The following SLIT2 variants were observed in gnomAD, a reference collection of about 807,000 sequenced individuals.
SLIT2 encodes slit guidance ligand 2.
SLIT2 carries 41 observed loss-of-function variants against 185.7 expected under a neutral mutation model. The ratio of observed to expected loss-of-function variants is 0.22; its 90% confidence interval spans 0.17 to 0.29. The LOEUF (loss-of-function observed/expected upper bound fraction) is 0.29. Ranked by LOEUF, SLIT2 falls within the 10% of genes least tolerant of loss-of-function variation. The pLI is 1.00. For synonymous variants in SLIT2, 693 were observed against 680.2 expected (o/e 1.02, Z -0.29); for missense variants, 1,571 against 1,909.0 (o/e 0.82, Z 3.30).
intron 4 of SLIT2, among the ~76,000 whole-genome samples, chr4:20,460,422 G>A (rs1713576629): frequency 6.6e-6 from 1 of 152,108 alleles, no homozygotes. Context: ...ATGCATTGTG[G>A]AATGTTTAAG....
Position 20,617,171 on chromosome 4 carries a change from G to A in SLIT2, c.4109G>A (p.Arg1370Gln), listed in dbSNP as rs1198876030. The A allele has an allele frequency of 5.0e-6, 8 of 1,598,506 alleles. No individual in the cohort carries two copies. The highest frequency in any genetic ancestry group is 5.1e-6 in the Non-Finnish European group (6 of 1,168,900). Reference protein sequence around the residue: ...EGWMGPLCDQRTNDPCLGNKC... With the variant: ...EGWMGPLCDQQTNDPCLGNKC... ...TGGATGGGGCCCCTCTGTGACCAAC[G>A]GACCAATGACCCTTGCCTTGGAAAT... is the stretch of plus-strand genomic sequence containing the variant. Residue 1370 changes from arginine (R) to glutamine (Q), a missense_variant, in exon 35 of 37, where the codon CGG (arginine) becomes CAG (glutamine). Coordinates refer to ENST00000504154, the MANE Select transcript of SLIT2 (RefSeq NM_004787.4).
At chr4:20,374,039 C>A (rs1197709875) in intron 4 of SLIT2, among the ~76,000 whole-genome samples, 1 of 152,074 alleles carries the variant, frequency 6.6e-6, no homozygotes, top group African/African-American at 2.4e-5. Context: ...ATTTAAACTG[C>A]CTAAGTGTGA....
Position 20,386,133 on chromosome 4 carries a change from A to G in SLIT2, c.396-81619A>G, listed in dbSNP as rs569219140. ...TAAAAGCTCATGCATTTGACTCATA[A>G]GAGAATAATTTGGGCTTTACTTAGA... On this transcript the variant is annotated intron_variant, in intron 4 of 36. Coordinates refer to ENST00000504154, the MANE Select transcript of SLIT2 (RefSeq NM_004787.4). Among the ~76,000 whole-genome samples, 86 of 152,302 alleles carry G rather than the reference A, an allele frequency of 5.6e-4. No individual in the cohort carries two copies. The South Asian group carries it at 0.014, about 25-fold the overall frequency.
intron 4 of SLIT2, among the ~76,000 whole-genome samples, chr4:20,376,601 T>A (rs907397646): frequency 6.6e-6 from 1 of 152,132 alleles, no homozygotes; most frequent in African/African-American, 2.4e-5. Flanking sequence ...TTTTCTTCCC[T>A]TTTAGCCCCT....
At chr4:20,450,981 A>G (rs1712410994) in intron 4 of SLIT2, among the ~76,000 whole-genome samples, 1 of 152,196 alleles carries the variant, frequency 6.6e-6, no homozygotes, top group Non-Finnish European at 1.5e-5. Context: ...ACAAATGACA[A>G]TATGCAAATT....
intron 33 of SLIT2, among the ~76,000 whole-genome samples, chr4:20,604,812 C>T (rs992422494): frequency 2.6e-5 from 4 of 151,312 alleles, no homozygotes; most frequent in South Asian, 2.1e-4. Context: ...TATTCCAAAG[C>T]GTGGAATATG....
chr4:20,558,981 A>T (rs947281841), intron 26 of SLIT2, among the ~76,000 whole-genome samples: 2 of 151,898 alleles, frequency 1.3e-5, no homozygotes, highest in African/African-American at 4.8e-5. Flanking sequence ...TGTAGTTGCT[A>T]CAAGAACTCA....
rs138367578 is a variant in SLIT2 at position 20,472,758 on chromosome 4, C to T, written c.467+4935C>T. Among the ~76,000 whole-genome samples the T allele has an allele frequency of 5.4e-3, 810 of 148,968 alleles. 9 individuals carry two copies. Among genetic ancestry groups the T allele is most frequent in the African/African-American group, 0.019 (774 of 40,788 alleles). The stretch of plus-strand genomic sequence containing the variant: ...GATTTGTTTTCAAGTATCTATTAGG[C>T]ATTTCCATTAATTGAGAATTTAGAA... On this transcript the variant is annotated intron_variant, in intron 5 of 36. Coordinates refer to ENST00000504154, the MANE Select transcript of SLIT2 (RefSeq NM_004787.4).
At chr4:20,279,302 T>G (rs987835668) in intron 4 of SLIT2, among the ~76,000 whole-genome samples, 3 of 152,222 alleles carry the variant, frequency 2.0e-5, no homozygotes, top group Non-Finnish European at 4.4e-5. Context: ...AGTTCTGCAT[T>G]ACCTCTTCAA....
At chr4:20,268,607 T>C (rs1056700922) in intron 3 of SLIT2, among the ~76,000 whole-genome samples, 4 of 151,822 alleles carry the variant, frequency 2.6e-5, no homozygotes. Context: ...GTAATCATCA[T>C]CTTAGTAAGC....
intron 26 of SLIT2, among the ~76,000 whole-genome samples, chr4:20,558,675 G>T (rs1724457775): frequency 6.6e-6 from 1 of 151,796 alleles, no homozygotes; most frequent in Non-Finnish European, 1.5e-5. Flanking sequence ...GTATTTATCT[G>T]ACTAACTTGA....
In SLIT2 at chr4:20,620,167, C is replaced by T. The variant is rs1430128943; in HGVS notation, c.*1158C>T. ...AAACGAAATGGTGTGTAGCAATCAACACTAGAAAGTAGACCTTTTGCAAAT... is the reference window on the plus strand; with the variant it reads ...AAACGAAATGGTGTGTAGCAATCAATACTAGAAAGTAGACCTTTTGCAAAT... On this transcript the variant is annotated 3_prime_UTR_variant, in exon 37 of 37. Transcript: ENST00000504154. 1 of 298,730 alleles carries T rather than the reference C, an allele frequency of 3.3e-6. No individual in the cohort carries two copies. Among genetic ancestry groups the T allele is most frequent in the East Asian group, 9.3e-5 (1 of 10,804 alleles). 18.5% of individuals were successfully genotyped at this position (298,730 alleles called of 1,614,324 possible).
intron 4 of SLIT2, among the ~76,000 whole-genome samples, chr4:20,408,225 A>G (rs750132009): frequency 3.9e-5 from 6 of 152,196 alleles, no homozygotes; most frequent in East Asian, 1.9e-4. Context: ...ACCATCAGAC[A>G]TCTAGCTCCA....
intron 2 of SLIT2, 149 bp from the exon 3 acceptor site, chr4:20,257,719 A>G (rs1374253350): frequency 1.6e-6 from 1 of 617,654 alleles, no homozygotes; most frequent in Non-Finnish European, 2.9e-6. Flanking sequence ...ACTCAGATAT[A>G]TTATTATTAA....
At chr4:20,594,540 A>T (rs184443227) in intron 30 of SLIT2, among the ~76,000 whole-genome samples, 114 of 151,612 alleles carry the variant, frequency 7.5e-4, no homozygotes, top group Admixed American at 3.2e-3. Flanking sequence ...CTTCCAGAAG[A>T]CCCCTCCTCA....
At chr4:20,602,916 T>C (rs1728514337) in intron 33 of SLIT2, among the ~76,000 whole-genome samples, 1 of 152,116 alleles carries the variant, frequency 6.6e-6, no homozygotes, top group Non-Finnish European at 1.5e-5. Flanking sequence ...TAAAGGACTC[T>C]AACCAGCAAC....
chr4:20,388,497 G>A (rs897891088), intron 4 of SLIT2, among the ~76,000 whole-genome samples: 1 of 152,078 alleles, frequency 6.6e-6, no homozygotes, highest in African/African-American at 2.4e-5. Context: ...GATACGGCCA[G>A]GCATGGTGGC....
intron 4 of SLIT2, among the ~76,000 whole-genome samples, chr4:20,362,725 G>A (rs887166842): frequency 1.2e-4 from 18 of 151,716 alleles, no homozygotes; most frequent in East Asian, 3.9e-4. Context: ...TAAAACAAAC[G>A]CACAAACATG....
intron 4 of SLIT2, among the ~76,000 whole-genome samples, chr4:20,432,730 A>G (rs1729085632): frequency 1.3e-5 from 2 of 148,820 alleles, no homozygotes; most frequent in African/African-American, 2.4e-5. Context: ...TACAAGCTGG[A>G]AAAAATTATA....
Sources: gnomAD v4.1 joint callset for allele counts (sites outside exome capture counted in the v4.1 genomes callset) on GRCh38, gnomAD v4.1.1 for gene constraint, MANE v1.5 for transcripts, NCBI Gene and HGNC (gene_info 2026-07-23, HGNC 2026-07-21) for gene names.